Variants in VPS33A observed in about 807,000 individuals in gnomAD.
VPS33A encodes the protein vacuolar protein sorting-associated protein 33A.
VPS33A carries 32 observed loss-of-function variants against 71.8 expected under a neutral mutation model. That is an observed-to-expected ratio of 0.45 (90% CI 0.34 to 0.60). VPS33A has a LOEUF of 0.60. Among genes scored for constraint, VPS33A ranks in the 20% least tolerant of loss-of-function variants. The pLI is 0.02. For synonymous variants in VPS33A, 311 were observed against 292.7 expected (o/e 1.06, Z -0.64); for missense variants, 625 against 748.5 (o/e 0.84, Z 1.92).
At chr12:122,244,840 A>G in intron 6 of VPS33A, 78 bp from the exon 7 acceptor site, 2 of 1,448,792 alleles carry the variant, frequency 1.4e-6, no homozygotes, top group South Asian at 2.6e-5. Flanking sequence ...CACAAAACAG[A>G]ATTTCCAACT....
At position 122,244,722 on chromosome 12, in the gene VPS33A, T is replaced by C; in HGVS notation, c.816A>G (p.Lys272=). ...KLPPEKFAPK[K]QGDGGKDLPT... ...GGAGGTCCTTACCACCATCGCCCTG[T>C]TTCTTAGGTGCAAATTTCTCTGGAG... The change falls in exon 7 of 13, where the codon AAA becomes AAG. Residue 272 remains lysine (K), a synonymous_variant. Transcript: ENST00000267199. 6.2e-7 allele frequency: 1 copy of C among 1,614,006 alleles called. No individual in the cohort carries two copies. Among genetic ancestry groups the C allele is most frequent in the Non-Finnish European group, 8.5e-7 (1 of 1,179,908 alleles).
rs185891686 is a variant in VPS33A, at chr12:122,266,029, C to A, written c.102+278G>T. Among the ~76,000 whole-genome samples the A allele has an allele frequency of 1.6e-3, 245 of 152,328 alleles. 2 individuals carry two copies. Among genetic ancestry groups the A allele is most frequent in the African/African-American group, 5.7e-3 (236 of 41,564 alleles). On this transcript the variant is annotated intron_variant, in intron 1 of 12. Coordinates refer to ENST00000267199, the MANE Select transcript of VPS33A (RefSeq NM_022916.6). ...GCCTCGGCAGGCAGCGGAGGAAACA[C>A]CTGACGTAAACCAGCTCATCAGCTG...
rs1028577767 is a variant in VPS33A at position 122,238,767 on chromosome 12, A to G, written c.1165-43T>C. 4.5e-6 allele frequency: 6 copies of G among 1,343,296 alleles called. No homozygotes were observed. The African/African-American group carries it at 9.6e-5, about 21-fold the overall frequency. The allele number at this position is 1,343,296 out of a possible 1,614,324, so 83.2% of individuals were successfully genotyped here. ...TACATATACATATACATTTACATAT[A>G]CATACACACACACACACACACACAC... is the stretch of plus-strand genomic sequence containing the variant. On this transcript the variant is annotated intron_variant, in intron 9 of 12. Coordinates refer to ENST00000267199, the MANE Select transcript of VPS33A (RefSeq NM_022916.6).
chr12:122,265,675 G>C (rs1036542912), intron 1 of VPS33A: 2 of 450,506 alleles, frequency 4.4e-6, no homozygotes, highest in East Asian at 7.0e-5. Flanking sequence ...AGGCTCCCCA[G>C]TTCGACTTTT....
chr12:122,246,603 TTTGG>T (rs1296752990), intron 6 of VPS33A, among the ~76,000 whole-genome samples: 16 of 137,322 alleles, frequency 1.2e-4, no homozygotes, highest in Admixed American at 1.1e-3. Flanking sequence ...CCAGCCACTT[TTTGG>T]TTTTTTAATT....
At chr12:122,245,222 A>T (rs1219977572) in intron 6 of VPS33A, among the ~76,000 whole-genome samples, 1 of 152,202 alleles carries the variant, frequency 6.6e-6, no homozygotes, top group Non-Finnish European at 1.5e-5. Context: ...ACAAAAGCTT[A>T]TCACACGCTG....
chr12:122,240,079 G>A, intron 8 of VPS33A, 134 bp from the exon 9 acceptor site: 12 of 667,606 alleles, frequency 1.8e-5, no homozygotes, highest in Non-Finnish European at 3.1e-5. Flanking sequence ...TGTAATCTCA[G>A]CACTGTAGGG....
At chr12:122,238,455 C>G in intron 10 of VPS33A, 132 bp downstream of exon 10, 3 of 1,129,448 alleles carry the variant, frequency 2.7e-6, no homozygotes, top group Non-Finnish European at 3.6e-6. Flanking sequence ...CTCCTAACCT[C>G]AAGTGATCCA....
intron 10 of VPS33A, among the ~76,000 whole-genome samples, chr12:122,236,917 A>C (rs1954635849): frequency 1.3e-5 from 2 of 152,192 alleles, no homozygotes; most frequent in South Asian, 4.1e-4. Context: ...TTTGGAAGGA[A>C]GCAAATCAGA....
intron 1 of VPS33A, 60 bp downstream of exon 1, chr12:122,266,247 G>C: frequency 6.3e-7 from 1 of 1,584,006 alleles, no homozygotes; most frequent in Non-Finnish European, 8.6e-7. Flanking sequence ...GTCAGGGAAC[G>C]GATTAAACCA....
chr12:122,233,916 T>C (rs1954597342), intron 11 of VPS33A, among the ~76,000 whole-genome samples: 1 of 152,196 alleles, frequency 6.6e-6, no homozygotes, highest in South Asian at 2.1e-4. Flanking sequence ...TGATAGACTC[T>C]AGACATTAAG....
At chr12:122,260,092 G>A (rs1253567349) in intron 4 of VPS33A, among the ~76,000 whole-genome samples, 1 of 151,992 alleles carries the variant, frequency 6.6e-6, no homozygotes, top group Non-Finnish European at 1.5e-5. Context: ...CATACAGACT[G>A]AACTAGATTA....
chr12:122,256,584 A>T (rs1592928089), intron 4 of VPS33A, among the ~76,000 whole-genome samples: 1 of 146,700 alleles, frequency 6.8e-6, no homozygotes, highest in Non-Finnish European at 1.5e-5. Flanking sequence ...AAAAACAATT[A>T]AAAAAAAAAA....
intron 12 of VPS33A, 142 bp downstream of exon 12, chr12:122,232,658 A>T: frequency 1.7e-6 from 2 of 1,150,404 alleles, no homozygotes; most frequent in Non-Finnish European, 2.4e-6. Context: ...TCGAGTTCTT[A>T]CTACATACAT....
rs1841046812 is a variant in VPS33A, at chr12:122,243,792, G to A, written c.969+777C>T. The stretch of plus-strand genomic sequence containing the variant: ...AAAACTCTGCCAGGCATGATGGCAT[G>A]TGCCTGTGGTCCCAGCTACTCGGGA... On this transcript the variant is annotated intron_variant, in intron 7 of 12. Coordinates refer to ENST00000267199, the MANE Select transcript of VPS33A (RefSeq NM_022916.6). Among the ~76,000 whole-genome samples, 3 of 152,230 alleles carry A rather than the reference G, an allele frequency of 2.0e-5. No individual in the cohort carries two copies. In the South Asian group the frequency reaches 6.2e-4, roughly 32 times the overall value.
Position 122,231,308 on chromosome 12 carries a change from T to C in VPS33A, c.*938A>G, listed in dbSNP as rs539874972. The C allele has an allele frequency of 2.6e-5, 4 of 152,322 alleles. No individual in the cohort carries two copies. Among genetic ancestry groups the C allele is most frequent in the Admixed American group, 6.5e-5 (1 of 15,298 alleles). 9.4% of individuals were successfully genotyped at this position (152,322 alleles called of 1,614,324 possible). ...ACCTAAGGAGATGTAGCTGATCACA[T>C]AGAGCATAAACTTTGTTTCTGGGCA... is the stretch of plus-strand genomic sequence containing the variant. On this transcript the variant is annotated 3_prime_UTR_variant, in exon 13 of 13. Coordinates refer to ENST00000267199, the MANE Select transcript of VPS33A (RefSeq NM_022916.6).
intron 9 of VPS33A, among the ~76,000 whole-genome samples, chr12:122,239,628 G>C (rs767893773): frequency 6.6e-6 from 1 of 151,874 alleles, no homozygotes; most frequent in Non-Finnish European, 1.5e-5. Context: ...CAGCTACTCG[G>C]GAGGCTGAGG....
At chr12:122,245,495 G>A (rs1954765491) in intron 6 of VPS33A, among the ~76,000 whole-genome samples, 1 of 150,238 alleles carries the variant, frequency 6.7e-6, no homozygotes, top group Non-Finnish European at 1.5e-5. Context: ...CCAGGCTGGA[G>A]TGCAATGGCA....
chr12:122,235,437 G>C (rs1954617391), intron 11 of VPS33A, among the ~76,000 whole-genome samples: 1 of 151,882 alleles, frequency 6.6e-6, no homozygotes. Flanking sequence ...GCTAATTTTT[G>C]TATTTTTAGT....
Sources: gnomAD v4.1 joint callset for allele counts (sites outside exome capture counted in the v4.1 genomes callset) on GRCh38, gnomAD v4.1.1 for gene constraint, MANE v1.5 for transcripts, NCBI Gene and HGNC (gene_info 2026-07-23, HGNC 2026-07-21) for gene names.